The following MBD5 variants were observed in gnomAD, a reference collection of about 807,000 sequenced individuals.
The protein encoded by MBD5 is methyl-CpG binding domain protein 5.
A neutral mutation model predicts 117.3 loss-of-function variants in MBD5; 13 were observed. That is an observed-to-expected ratio of 0.11 (90% CI 0.07 to 0.18). MBD5 has a LOEUF of 0.18. Ranked by LOEUF, MBD5 falls within the 10% of genes least tolerant of loss-of-function variation. The probability of loss-of-function intolerance (pLI) is 1.00; values close to 1 mark genes in which losing one functional copy is unlikely to be tolerated. For missense variants in MBD5, 1,879 were observed against 2,093.8 expected (o/e 0.90, Z 2.00); for synonymous variants, 727 against 766.4 (o/e 0.95, Z 0.85).
intron 1 of MBD5, among the ~76,000 whole-genome samples, chr2:148,070,338 T>C (rs1695316861): frequency 6.6e-6 from 1 of 152,232 alleles, no homozygotes; most frequent in Non-Finnish European, 1.5e-5. Flanking sequence ...ATAGTAGACA[T>C]TTAGTGATTT....
At chr2:148,467,258 C>T (rs1261334971) in intron 7 of MBD5, among the ~76,000 whole-genome samples, 1 of 152,020 alleles carries the variant, frequency 6.6e-6, no homozygotes, top group African/African-American at 2.4e-5. Flanking sequence ...AAATAGATAT[C>T]GTAAGGGGCT....
At chr2:148,492,429 A>AT (rs1366608886) in intron 11 of MBD5, among the ~76,000 whole-genome samples, 2 of 152,018 alleles carry the variant, frequency 1.3e-5, no homozygotes, top group African/African-American at 4.8e-5. Flanking sequence ...TACTAAAAGT[A>AT]TTTTTAGTAA....
chr2:148,240,756 T>C (rs1187758244), intron 3 of MBD5, among the ~76,000 whole-genome samples: 2 of 152,204 alleles, frequency 1.3e-5, no homozygotes, highest in African/African-American at 4.8e-5. Context: ...TTTCTTCAGG[T>C]TCACTGGCTG....
intron 4 of MBD5, among the ~76,000 whole-genome samples, chr2:148,352,562 A>G (rs1354687604): frequency 6.6e-6 from 1 of 151,900 alleles, no homozygotes; most frequent in Non-Finnish European, 1.5e-5. Context: ...CAACTCATTA[A>G]TCTATTCTCC....
At chr2:148,303,398 T>C (rs1701818644) in intron 3 of MBD5, among the ~76,000 whole-genome samples, 1 of 152,158 alleles carries the variant, frequency 6.6e-6, no homozygotes, top group Non-Finnish European at 1.5e-5. Context: ...CCAGCCGGCT[T>C]ACCACAACAG....
At chr2:148,501,440 T>C (rs1458288031) in intron 11 of MBD5, among the ~76,000 whole-genome samples, 3 of 152,204 alleles carry the variant, frequency 2.0e-5, no homozygotes, top group African/African-American at 7.2e-5. Flanking sequence ...CCCAACTGAA[T>C]AGCTGAGTTA....
At chr2:148,139,781 T>G (rs1697269227) in intron 1 of MBD5, among the ~76,000 whole-genome samples, 1 of 152,168 alleles carries the variant, frequency 6.6e-6, no homozygotes, top group Non-Finnish European at 1.5e-5. Context: ...GATGTACACG[T>G]ACTGGTGCAT....
At chr2:148,331,245 T>A (rs1309071155) in intron 3 of MBD5, among the ~76,000 whole-genome samples, 2 of 152,198 alleles carry the variant, frequency 1.3e-5, no homozygotes, top group Non-Finnish European at 2.9e-5. Context: ...TATGCTTTTT[T>A]AAATTTATCA....
chr2:148,262,440 A>G (rs557633034), intron 3 of MBD5, among the ~76,000 whole-genome samples: 2 of 152,300 alleles, frequency 1.3e-5, no homozygotes, highest in African/African-American at 2.4e-5. Flanking sequence ...ATTTAAGGCC[A>G]TATAATATTA....
At chr2:148,373,230 G>A (rs894240726) in intron 4 of MBD5, among the ~76,000 whole-genome samples, 4 of 152,058 alleles carry the variant, frequency 2.6e-5, no homozygotes, top group African/African-American at 4.8e-5. Flanking sequence ...ACAGAGGGAA[G>A]GGATATCTTT....
In MBD5 at chr2:148,245,769, G is replaced by A. The variant is rs184978711; in HGVS notation, c.-680+12374G>A. Among the ~76,000 whole-genome samples, 21 of 152,106 alleles carry A rather than the reference G, an allele frequency of 1.4e-4. No individual in the cohort carries two copies. In the East Asian group the frequency reaches 3.3e-3, roughly 24 times the overall value. ...TAATCACCTTATAGCTAAGTTTATG[G>A]TGAAAACATTCTACTAAGCAGAATA... On this transcript the variant is annotated intron_variant, in intron 3 of 13. Transcript: ENST00000642680.
chr2:148,516,675 G>A lies in MBD5; in HGVS notation c.*3734G>A, dbSNP rs1198138683. 1 of 152,222 alleles carries A rather than the reference G, an allele frequency of 6.6e-6. No individual in the cohort carries two copies. Among genetic ancestry groups the A allele is most frequent in the African/African-American group, 2.4e-5 (1 of 41,444 alleles). 9.4% of individuals were successfully genotyped at this position (152,222 alleles called of 1,614,324 possible). Reference sequence around the variant, plus strand: ...TCGAGCATGGGAAATCCTGCTAACAGTGGGGAGTCTGATATAGAAAAAATA... The same window carrying A: ...TCGAGCATGGGAAATCCTGCTAACAATGGGGAGTCTGATATAGAAAAAATA... On this transcript the variant is annotated 3_prime_UTR_variant, in exon 14 of 14. Transcript: ENST00000642680.
chr2:148,215,771 C>T (rs7586070), intron 2 of MBD5, among the ~76,000 whole-genome samples: 2,802 of 150,622 alleles, frequency 0.019, 80 homozygotes, highest in African/African-American at 0.064. Context: ...GATTTTCCTA[C>T]CTTAGCCTCC....
In MBD5 at chr2:148,330,046, C is replaced by G. The variant is rs1702595573; in HGVS notation, c.-679-12168C>G. On this transcript the variant is annotated intron_variant, in intron 3 of 13. Transcript: ENST00000642680. ...TTGTAGGTAAGAACCCCCCCCCGCC[C>G]CCCCCACACACACACACACACTGCC... Among the ~76,000 whole-genome samples, 2 of 29,892 alleles carry G rather than the reference C, an allele frequency of 6.7e-5. 1 individual carries two copies. The highest frequency in any genetic ancestry group is 2.2e-4 in the African/African-American group (2 of 9,236). The allele number at this position is 29,892 out of a possible 152,430, so 19.6% of individuals were successfully genotyped here.
At chr2:148,365,081 A>G (rs921809495) in intron 4 of MBD5, among the ~76,000 whole-genome samples, 3 of 152,166 alleles carry the variant, frequency 2.0e-5, no homozygotes, top group African/African-American at 7.2e-5. Flanking sequence ...TGACCACATA[A>G]TTGAAAGTAA....
At chr2:148,104,396 A>G (rs1395397451) in intron 1 of MBD5, among the ~76,000 whole-genome samples, 1 of 152,190 alleles carries the variant, frequency 6.6e-6, no homozygotes, top group Admixed American at 6.5e-5. Flanking sequence ...AAAGGCCTGA[A>G]TTTGTTACCC....
At chr2:148,363,679 A>G (rs1353696557) in intron 4 of MBD5, among the ~76,000 whole-genome samples, 9 of 152,186 alleles carry the variant, frequency 5.9e-5, no homozygotes, top group Admixed American at 4.6e-4. Flanking sequence ...AAAATACAGC[A>G]TGAGAACTTC....
chr2:148,122,853 A>G (rs1214120354), intron 1 of MBD5, among the ~76,000 whole-genome samples: 1 of 152,188 alleles, frequency 6.6e-6, no homozygotes, highest in East Asian at 1.9e-4. Context: ...AGTCTTGGCC[A>G]TTTTTATCAC....
chr2:148,378,786 G>T (rs1704055848), intron 4 of MBD5, among the ~76,000 whole-genome samples: 1 of 151,960 alleles, frequency 6.6e-6, no homozygotes, highest in Non-Finnish European at 1.5e-5. Flanking sequence ...AATAATATAT[G>T]TAGGAAAAAT....
Sources: gnomAD v4.1 joint callset for allele counts (sites outside exome capture counted in the v4.1 genomes callset) on GRCh38, gnomAD v4.1.1 for gene constraint, MANE v1.5 for transcripts, NCBI Gene and HGNC (gene_info 2026-07-23, HGNC 2026-07-21) for gene names.